Variants in UEVLD observed in about 807,000 individuals in gnomAD.
The protein encoded by UEVLD is UEV and lactate/malate dehyrogenase domains, also known as ubiquitin-conjugating enzyme E2 variant 3.
A neutral mutation model predicts 58.6 loss-of-function variants in UEVLD; 47 were observed. The observed-to-expected ratio is 0.80, with a 90% CI of 0.63 to 1.02. The LOEUF (loss-of-function observed/expected upper bound fraction) is 1.02, where lower values mean the gene tolerates loss of function less well. UEVLD is among the 50% of genes least tolerant of loss of function. The pLI is 0.00. For synonymous variants in UEVLD, 197 were observed against 195.3 expected (o/e 1.01, Z -0.07); for missense variants, 510 against 550.6 (o/e 0.93, Z 0.74).
At chr11:18,588,165 A>G (rs1260772396) in intron 1 of UEVLD, among the ~76,000 whole-genome samples, 1 of 151,984 alleles carries the variant, frequency 6.6e-6, no homozygotes, top group African/African-American at 2.4e-5. Flanking sequence ...TTGTAAATAC[A>G]TAATTACTCC....
chr11:18,535,879 G>A (rs574932849), intron 10 of UEVLD, among the ~76,000 whole-genome samples: 1 of 152,322 alleles, frequency 6.6e-6, no homozygotes, highest in East Asian at 1.9e-4. Context: ...GCTCACACCT[G>A]TAATCCCGGC....
intron 11 of UEVLD, among the ~76,000 whole-genome samples, chr11:18,532,832 G>A (rs1260998762): frequency 6.6e-6 from 1 of 152,028 alleles, no homozygotes; most frequent in Non-Finnish European, 1.5e-5. Flanking sequence ...GAGGGGCATG[G>A]GATGGTCTCT....
chr11:18,565,602 G>A (rs1852255643), intron 5 of UEVLD, among the ~76,000 whole-genome samples: 1 of 152,174 alleles, frequency 6.6e-6, no homozygotes, highest in Non-Finnish European at 1.5e-5. Flanking sequence ...GCCAAGGCGG[G>A]AGGATCACCT....
At chr11:18,536,852 G>A in intron 9 of UEVLD, 1 of 182,226 alleles carries the variant, frequency 5.5e-6, no homozygotes, top group Non-Finnish European at 1.1e-5. Flanking sequence ...CCTATTTTGG[G>A]CTAGAATTTC....
intron 5 of UEVLD, among the ~76,000 whole-genome samples, 166 bp from the exon 6 acceptor site, chr11:18,565,176 G>A (rs1362664265): frequency 2.6e-5 from 4 of 152,136 alleles, no homozygotes; most frequent in African/African-American, 7.2e-5. Flanking sequence ...GAAGGCAGAC[G>A]TTTCCTATTA....
chr11:18,558,282 C>T lies in UEVLD; in HGVS notation c.661G>A (p.Gly221Arg), dbSNP rs1275705977. The stretch of plus-strand genomic sequence containing the variant: ...AAGATTTCAAGGTCCATCGTGGCTC[C>T]TTTAGTCCCTTCTGAGAGGTCTAAG... ...VLLDLSEGTK[G>R]ATMDLEIFNL... is the part of the protein sequence containing the mutation. The change falls in exon 7 of 12, where the codon GGA becomes AGA. Residue 221 changes from glycine to arginine, a missense_variant. Transcript: ENST00000396197. 4 of 1,613,380 alleles carry T rather than the reference C, an allele frequency of 2.5e-6. No homozygotes were observed. The highest frequency in any genetic ancestry group is 3.4e-6 in the Non-Finnish European group (4 of 1,179,770).
At chr11:18,560,968 G>A (rs1852005802) in intron 6 of UEVLD, among the ~76,000 whole-genome samples, 1 of 151,416 alleles carries the variant, frequency 6.6e-6, no homozygotes, top group Admixed American at 6.6e-5. Context: ...TGGAGATTGC[G>A]CCATTGCACT....
chr11:18,536,002 C>T (rs1176538571), intron 10 of UEVLD, among the ~76,000 whole-genome samples: 2 of 152,116 alleles, frequency 1.3e-5, no homozygotes, highest in Non-Finnish European at 2.9e-5. Context: ...GGCATGGTGG[C>T]GCATGCCTGT....
intron 3 of UEVLD, among the ~76,000 whole-genome samples, chr11:18,574,414 A>G (rs1165088382): frequency 6.6e-6 from 1 of 152,238 alleles, no homozygotes; most frequent in East Asian, 1.9e-4. Context: ...CTGGGATTAC[A>G]GGCATGAGCC....
chr11:18,573,829 T>C (rs1321335279), intron 3 of UEVLD, among the ~76,000 whole-genome samples: 1 of 152,192 alleles, frequency 6.6e-6, no homozygotes, highest in African/African-American at 2.4e-5. Context: ...GCACCTACTT[T>C]AAAAGAAGTC....
intron 3 of UEVLD, among the ~76,000 whole-genome samples, chr11:18,572,864 C>T (rs888661948): frequency 6.6e-6 from 1 of 151,804 alleles, no homozygotes; most frequent in African/African-American, 2.4e-5. Context: ...CATACACTGG[C>T]ACACACTATA....
chr11:18,577,187 AAACCAACC>A (rs952193954), intron 2 of UEVLD, among the ~76,000 whole-genome samples: 1 of 152,200 alleles, frequency 6.6e-6, no homozygotes, highest in Admixed American at 6.6e-5. Context: ...ACGTCTCAAC[AAACCAACC>A]AACCAACCAA....
intron 1 of UEVLD, among the ~76,000 whole-genome samples, chr11:18,580,100 G>C (rs1050382635): frequency 6.9e-6 from 1 of 145,954 alleles, no homozygotes; most frequent in Non-Finnish European, 1.5e-5. Flanking sequence ...GGAAATTCGA[G>C]GGACCTAGAA....
chr11:18,534,110 G>A (rs1255743797), intron 11 of UEVLD, among the ~76,000 whole-genome samples: 3 of 152,084 alleles, frequency 2.0e-5, no homozygotes, highest in African/African-American at 7.2e-5. Context: ...TTTTGTTTTT[G>A]TTTTTGTAAA....
At chr11:18,577,297 T>C (rs1480128378) in intron 2 of UEVLD, among the ~76,000 whole-genome samples, 1 of 152,246 alleles carries the variant, frequency 6.6e-6, no homozygotes, top group Non-Finnish European at 1.5e-5. Flanking sequence ...ATAGTCACTT[T>C]TAGAACCAGA....
rs888327019 is a variant in UEVLD, at chr11:18,567,653, A to G, written c.358-1171T>C. ...ACAAAACGAACTGTGCTGTTCAAAC[A>G]AATTCCATAGGCCTAACGCGGCCCT... On this transcript the variant is annotated intron_variant, in intron 4 of 11. Coordinates refer to ENST00000396197, the MANE Select transcript of UEVLD (RefSeq NM_001040697.4). Among the ~76,000 whole-genome samples, 4 of 152,348 alleles carry G rather than the reference A, an allele frequency of 2.6e-5. No individual in the cohort carries two copies. The East Asian group carries it at 7.7e-4, about 29-fold the overall frequency.
At chr11:18,536,676 A>G (rs1850811797) in intron 9 of UEVLD, 7 of 501,068 alleles carry the variant, frequency 1.4e-5, no homozygotes, top group South Asian at 2.2e-5. Context: ...TACAAAAAAC[A>G]TGATCCCCAA....
intron 5 of UEVLD, among the ~76,000 whole-genome samples, chr11:18,565,829 A>AAAATAAAT (rs1852265583): frequency 6.6e-6 from 1 of 152,100 alleles, no homozygotes; most frequent in South Asian, 2.1e-4. Flanking sequence ...AAAAAATAAA[A>AAAATAAAT]AAATAAATAA....
Position 18,530,701 on chromosome 11 carries a change from T to G in UEVLD, c.*1619A>C, listed in dbSNP as rs1176759895. The G allele has an allele frequency of 6.6e-6, 1 of 151,506 alleles. No homozygotes were observed. Among genetic ancestry groups the G allele is most frequent in the Non-Finnish European group, 1.5e-5 (1 of 68,226 alleles). The allele number at this position is 151,506 out of a possible 1,614,324, so 9.4% of individuals were successfully genotyped here. ...GAGTAGCTGGAACTACAGGTGCACA[T>G]CACCACACCTGGCTAATTTTTAAAC... On this transcript the variant is annotated 3_prime_UTR_variant, in exon 12 of 12. Transcript: ENST00000396197.
Sources: gnomAD v4.1 joint callset for allele counts (sites outside exome capture counted in the v4.1 genomes callset) on GRCh38, gnomAD v4.1.1 for gene constraint, MANE v1.5 for transcripts, NCBI Gene and HGNC (gene_info 2026-07-23, HGNC 2026-07-21) for gene names.